The following SPAG16 variants were observed in gnomAD, a reference collection of about 807,000 sequenced individuals.
The protein encoded by SPAG16 is sperm-associated antigen 16 protein.
SPAG16 carries 86 observed loss-of-function variants against 80.4 expected under a neutral mutation model. That is an observed-to-expected ratio of 1.07 (90% CI 0.90 to 1.28). The LOEUF (loss-of-function observed/expected upper bound fraction) is 1.28, where lower values mean the gene tolerates loss of function less well. Ranked by LOEUF, SPAG16 falls within the 50% of genes most tolerant of loss-of-function variation. SPAG16 has a pLI of 0.00. For synonymous variants in SPAG16, 294 were observed against 265.9 expected (o/e 1.11, Z -1.03); for missense variants, 870 against 765.3 (o/e 1.14, Z -1.61).
In SPAG16 at chr2:213,284,492, T is replaced by C; in HGVS notation, c.9T>C (p.Ala3=). The change falls in exon 1 of 16, where the codon GCT becomes GCC. Residue 3 remains alanine (A), a synonymous_variant. Coordinates refer to ENST00000331683, the MANE Select transcript of SPAG16 (RefSeq NM_024532.5). MA[A]QRGMPSSAVR... is the part of the protein sequence containing the mutation. ...GGCCCGAAGCGCCAGAGATGGCTGC[T>C]CAGCGAGGGATGCCCAGCTCCGCCG... 1.3e-6 allele frequency: 2 copies of C among 1,569,674 alleles called. No homozygotes were observed. Among genetic ancestry groups the C allele is most frequent in the East Asian group, 2.3e-5 (1 of 42,618 alleles).
intron 10 of SPAG16, among the ~76,000 whole-genome samples, chr2:213,783,105 A>G (rs916965899): frequency 7.6e-6 from 1 of 132,264 alleles, no homozygotes; most frequent in African/African-American, 2.9e-5. Context: ...TGTCCAAGTG[A>G]TCTCATTGTT....
At chr2:213,967,965 A>C (rs1202937110) in intron 12 of SPAG16, among the ~76,000 whole-genome samples, 2 of 152,134 alleles carry the variant, frequency 1.3e-5, no homozygotes, top group Non-Finnish European at 2.9e-5. Flanking sequence ...TTTTTGATGT[A>C]CTTCAATGTG....
intron 10 of SPAG16, among the ~76,000 whole-genome samples, chr2:213,641,370 G>T (rs2062582510): frequency 6.6e-6 from 1 of 152,226 alleles, no homozygotes; most frequent in African/African-American, 2.4e-5. Context: ...GAGAAAGAAA[G>T]CAGGGCTTTT....
chr2:213,879,846 A>G (rs2076279252), intron 11 of SPAG16, among the ~76,000 whole-genome samples: 1 of 152,044 alleles, frequency 6.6e-6, no homozygotes, highest in South Asian at 2.1e-4. Context: ...AGTATTCCAT[A>G]GTGTGTGTGT....
chr2:214,143,856 C>T (rs1404702504), intron 14 of SPAG16, among the ~76,000 whole-genome samples: 1 of 152,076 alleles, frequency 6.6e-6, no homozygotes, highest in Non-Finnish European at 1.5e-5. Context: ...GTACCAGTGA[C>T]ATATTTTAAA....
chr2:213,405,834 G>T (rs1249943862), intron 9 of SPAG16, among the ~76,000 whole-genome samples: 1 of 152,068 alleles, frequency 6.6e-6, no homozygotes, highest in Non-Finnish European at 1.5e-5. Context: ...TCTTTATTCA[G>T]AATTAAAGTA....
chr2:213,611,640 A>C (rs1391008366), intron 10 of SPAG16, among the ~76,000 whole-genome samples: 2 of 152,160 alleles, frequency 1.3e-5, no homozygotes, highest in Non-Finnish European at 2.9e-5. Flanking sequence ...TGCTATTTAG[A>C]CTAGTAATAA....
chr2:213,396,134 C>T (rs1355826393), intron 9 of SPAG16, among the ~76,000 whole-genome samples: 1 of 152,026 alleles, frequency 6.6e-6, no homozygotes, highest in African/African-American at 2.4e-5. Context: ...TTATCTTCAC[C>T]TTACTATTAT....
chr2:213,527,010 C>T (rs1026173672), intron 10 of SPAG16, among the ~76,000 whole-genome samples: 11 of 152,206 alleles, frequency 7.2e-5, no homozygotes, highest in African/African-American at 2.7e-4. Flanking sequence ...TACAGTCTCA[C>T]TATTCAGAAA....
intron 5 of SPAG16, among the ~76,000 whole-genome samples, chr2:213,336,957 T>C (rs1233515238): frequency 6.6e-6 from 1 of 152,174 alleles, no homozygotes; most frequent in Non-Finnish European, 1.5e-5. Flanking sequence ...ATAACTCATA[T>C]GGGAGAATTC....
chr2:213,989,930 T>C (rs954554036), intron 12 of SPAG16, among the ~76,000 whole-genome samples: 1 of 152,116 alleles, frequency 6.6e-6, no homozygotes, highest in African/African-American at 2.4e-5. Context: ...AGTGTTCATA[T>C]TGCAAAAAAA....
At chr2:213,888,014 A>G (rs1190139120) in intron 11 of SPAG16, among the ~76,000 whole-genome samples, 2 of 151,818 alleles carry the variant, frequency 1.3e-5, no homozygotes, top group Non-Finnish European at 3.0e-5. Flanking sequence ...TTTTGAGCAT[A>G]TATTATTTAT....
intron 10 of SPAG16, among the ~76,000 whole-genome samples, chr2:213,540,036 T>G (rs1237456084): frequency 9.6e-5 from 13 of 134,786 alleles, no homozygotes; most frequent in African/African-American, 3.5e-4. Flanking sequence ...TTAATTTTTT[T>G]TTTTTTTTTT....
At position 214,287,455 on chromosome 2, in the gene SPAG16, T is replaced by C. The variant is rs111767335; in HGVS notation, c.1721-122685T>C. Reference sequence around the variant, plus strand: ...CTGTAGTTAAATGAATCCAAAGAGATTAAATCTCTTTAAAAGGAGTCAGTC... The same window carrying C: ...CTGTAGTTAAATGAATCCAAAGAGACTAAATCTCTTTAAAAGGAGTCAGTC... On this transcript the variant is annotated intron_variant, in intron 15 of 15. Transcript: ENST00000331683. Among the ~76,000 whole-genome samples, 22 of 152,318 alleles carry C rather than the reference T, an allele frequency of 1.4e-4. No individual in the cohort carries two copies. The East Asian group carries it at 2.1e-3, about 15-fold the overall frequency.
intron 10 of SPAG16, among the ~76,000 whole-genome samples, chr2:213,698,493 T>C (rs1014358597): frequency 1.3e-5 from 2 of 152,092 alleles, no homozygotes; most frequent in African/African-American, 2.4e-5. Flanking sequence ...AACTCCTGGG[T>C]TCAAGCAATC....
intron 10 of SPAG16, among the ~76,000 whole-genome samples, chr2:213,639,188 C>T (rs1297510084): frequency 6.6e-6 from 1 of 152,130 alleles, no homozygotes; most frequent in Non-Finnish European, 1.5e-5. Flanking sequence ...TGAATTCTGT[C>T]CATTCTGCCA....
At chr2:213,825,735 G>C (rs1256598099) in intron 10 of SPAG16, among the ~76,000 whole-genome samples, 1 of 81,392 alleles carries the variant, frequency 1.2e-5, no homozygotes, top group Non-Finnish European at 2.4e-5. Context: ...ATGTGTCTTT[G>C]TTTCGTTTAG....
intron 10 of SPAG16, among the ~76,000 whole-genome samples, chr2:213,637,610 C>A (rs1040436306): frequency 6.6e-6 from 1 of 152,154 alleles, no homozygotes; most frequent in Non-Finnish European, 1.5e-5. Flanking sequence ...ATTATCATTT[C>A]AATCTGCTGC....
chr2:213,826,112 C>T (rs1384119428), intron 10 of SPAG16, among the ~76,000 whole-genome samples: 1 of 151,756 alleles, frequency 6.6e-6, no homozygotes, highest in Non-Finnish European at 1.5e-5. Context: ...ACTCTTTTTT[C>T]ATCCCTGATT....
Sources: allele counts gnomAD v4.1 joint callset (sites outside exome capture counted in the v4.1 genomes callset), GRCh38; gene constraint gnomAD v4.1.1; transcripts MANE v1.5; gene names NCBI Gene and HGNC (gene_info 2026-07-23, HGNC 2026-07-21).